The following RPS6KC1 variants were observed in gnomAD, a reference collection of about 807,000 sequenced individuals.
The protein encoded by RPS6KC1 is inactive ribosomal protein S6 kinase delta-1.
RPS6KC1 carries 54 observed loss-of-function variants against 103.8 expected under a neutral mutation model. The ratio of observed to expected loss-of-function variants is 0.52; its 90% CI spans 0.42 to 0.65. The LOEUF is 0.65. Among genes scored for constraint, RPS6KC1 ranks in the 30% least tolerant of loss-of-function variants. RPS6KC1 has a pLI of 0.00. For missense variants in RPS6KC1, 1,151 were observed against 1,253.8 expected, an observed-to-expected ratio of 0.92 and a Z score of 1.24; for synonymous variants, 439 against 438.7, an observed-to-expected ratio of 1.00 and a Z score of -0.01.
chr1:213,625,341 A>G, the RPS6KC1 span, among the ~76,000 whole-genome samples: 5 of 152,238 alleles, frequency 3.3e-5, no homozygotes, highest in South Asian at 2.1e-4. Context: ...TACTTATGCA[A>G]TATTCTTTTT....
the RPS6KC1 span, among the ~76,000 whole-genome samples, chr1:213,404,185 C>T: frequency 6.6e-6 from 1 of 152,172 alleles, no homozygotes; most frequent in Admixed American, 6.5e-5. Context: ...GCCTTTCCAC[C>T]TTCATGTCAG....
At chr1:213,646,045 T>G in the RPS6KC1 span, among the ~76,000 whole-genome samples, 2 of 152,248 alleles carry the variant, frequency 1.3e-5, no homozygotes, top group Admixed American at 1.3e-4. Flanking sequence ...AAAATCACTT[T>G]GTTTTCATAC....
intron 6 of RPS6KC1, among the ~76,000 whole-genome samples, chr1:213,152,387 C>A (rs1247835520): frequency 6.7e-6 from 1 of 149,310 alleles, no homozygotes; most frequent in Non-Finnish European, 1.5e-5. Context: ...GCTGACCCCC[C>A]CACCTCCCTC....
the RPS6KC1 span, among the ~76,000 whole-genome samples, chr1:213,436,298 A>G: frequency 6.6e-6 from 1 of 152,242 alleles, no homozygotes; most frequent in Non-Finnish European, 1.5e-5. Flanking sequence ...ATATGTGGTT[A>G]ATGTACAGCA....
the RPS6KC1 span, among the ~76,000 whole-genome samples, chr1:213,803,973 C>A: frequency 0.02 from 1,074 of 52,790 alleles, 10 homozygotes; most frequent in Non-Finnish European, 0.031. Flanking sequence ...GGGTGGGGGG[C>A]TGGGGGAGGG....
chr1:213,561,952 A>T, the RPS6KC1 span, among the ~76,000 whole-genome samples: 2 of 152,180 alleles, frequency 1.3e-5, no homozygotes, highest in African/African-American at 4.8e-5. Context: ...AGTAGGGTCA[A>T]GGTTGCACTT....
At chr1:213,804,511 G>C in the RPS6KC1 span, among the ~76,000 whole-genome samples, 1 of 152,246 alleles carries the variant, frequency 6.6e-6, no homozygotes, top group Non-Finnish European at 1.5e-5. Context: ...CTGCTGCAAG[G>C]CTTGCTCAGT....
chr1:213,446,961 A>G, the RPS6KC1 span, among the ~76,000 whole-genome samples: 344 of 152,356 alleles, frequency 2.3e-3, 2 homozygotes, highest in African/African-American at 7.9e-3. Flanking sequence ...TGATTTATAC[A>G]TAGCTCAGAA....
chr1:213,816,034 G>A, the RPS6KC1 span, among the ~76,000 whole-genome samples: 1 of 152,156 alleles, frequency 6.6e-6, no homozygotes, highest in South Asian at 2.1e-4. Context: ...AAAGAGACAG[G>A]GAAACAGTCG....
chr1:213,819,342 A>G, the RPS6KC1 span: 2 of 152,236 alleles, frequency 1.3e-5, no homozygotes, highest in Non-Finnish European at 2.9e-5. Flanking sequence ...CACAAAAGCC[A>G]GAGATCGTGA....
At chr1:213,624,761 T>C in the RPS6KC1 span, among the ~76,000 whole-genome samples, 3 of 152,106 alleles carry the variant, frequency 2.0e-5, no homozygotes, top group African/African-American at 7.2e-5. Flanking sequence ...TCTCACTTGG[T>C]GGAAGGGGCG....
chr1:213,581,706 C>T, the RPS6KC1 span, among the ~76,000 whole-genome samples: 1 of 152,082 alleles, frequency 6.6e-6, no homozygotes, highest in East Asian at 1.9e-4. Context: ...TGAAGTGGAG[C>T]CCTGCGTATC....
intron 8 of RPS6KC1, among the ~76,000 whole-genome samples, chr1:213,180,823 A>C (rs1440607695): frequency 1.3e-5 from 2 of 151,968 alleles, no homozygotes; most frequent in Non-Finnish European, 2.9e-5. Flanking sequence ...ATATATGGTA[A>C]TTTGTAATTG....
chr1:213,541,464 T>G, the RPS6KC1 span, among the ~76,000 whole-genome samples: 2 of 151,942 alleles, frequency 1.3e-5, no homozygotes, highest in Admixed American at 6.6e-5. Flanking sequence ...GACCTTCAAT[T>G]TGTTAAAACA....
At chr1:213,162,364 T>G (rs1464198068) in intron 6 of RPS6KC1, among the ~76,000 whole-genome samples, 3 of 152,110 alleles carry the variant, frequency 2.0e-5, no homozygotes, top group Non-Finnish European at 4.4e-5. Flanking sequence ...CATTGCAGCC[T>G]TGAACCCCTG....
chr1:213,704,241 G>T, the RPS6KC1 span, among the ~76,000 whole-genome samples: 22 of 151,338 alleles, frequency 1.5e-4, no homozygotes, highest in Middle Eastern at 3.4e-3. Context: ...CAAAAAATTA[G>T]CCGGGCGAGG....
At chr1:213,189,068 T>C (rs961551053) in intron 8 of RPS6KC1, among the ~76,000 whole-genome samples, 11 of 152,174 alleles carry the variant, frequency 7.2e-5, no homozygotes, top group African/African-American at 2.7e-4. Context: ...CTAATTGATT[T>C]TTGACATAGG....
the RPS6KC1 span, among the ~76,000 whole-genome samples, chr1:213,751,637 A>G: frequency 2.6e-4 from 39 of 152,276 alleles, no homozygotes; most frequent in African/African-American, 9.4e-4. Context: ...GAGAGCAGAT[A>G]TTAACTGCTA....
At chr1:213,561,164 C>CTA in the RPS6KC1 span, among the ~76,000 whole-genome samples, 2 of 152,216 alleles carry the variant, frequency 1.3e-5, no homozygotes, top group Non-Finnish European at 2.9e-5. Flanking sequence ...TCTGCTAAAG[C>CTA]AGTGTTTCTC....
Sources: allele counts gnomAD v4.1 joint callset (sites outside exome capture counted in the v4.1 genomes callset), GRCh38; gene constraint gnomAD v4.1.1; transcripts MANE v1.5; gene names NCBI Gene and HGNC (gene_info 2026-07-23, HGNC 2026-07-21).